The following FRMD3 variants were observed in gnomAD, a reference collection of about 807,000 sequenced individuals.
FRMD3 encodes the protein FERM domain containing 3.
Under a neutral mutation model 70.2 loss-of-function variants are expected in FRMD3, and 33 were observed. The ratio of observed to expected loss-of-function variants is 0.47; its 90% CI spans 0.36 to 0.63. The LOEUF is 0.63. Ranked by LOEUF, FRMD3 falls within the 20% of genes least tolerant of loss-of-function variation. The probability of loss-of-function intolerance (pLI) is 0.00; values close to 1 mark genes in which losing one functional copy is unlikely to be tolerated. For synonymous variants in FRMD3, 279 were observed against 255.9 expected (o/e 1.09, Z -0.86); for missense variants, 632 against 711.4 (o/e 0.89, Z 1.27).
chr9:83,454,752 C>T (rs1428024431), intron 1 of FRMD3, among the ~76,000 whole-genome samples: 1 of 152,186 alleles, frequency 6.6e-6, no homozygotes, highest in East Asian at 1.9e-4. Flanking sequence ...CACCAGCCAC[C>T]ACTTCAGTAG....
At chr9:83,274,421 AG>A (rs1229996312) in intron 13 of FRMD3, among the ~76,000 whole-genome samples, 15 of 152,186 alleles carry the variant, frequency 9.9e-5, no homozygotes, top group African/African-American at 3.4e-4. Flanking sequence ...AAATAAACAG[AG>A]GAGAAAACTA....
At chr9:83,572,583 G>GGA in the FRMD3 span, among the ~76,000 whole-genome samples, 1 of 152,168 alleles carries the variant, frequency 6.6e-6, no homozygotes, top group Non-Finnish European at 1.5e-5. Flanking sequence ...CTAAGAGAAG[G>GGA]GAGAGTAAAT....
intron 5 of FRMD3, among the ~76,000 whole-genome samples, chr9:83,340,478 T>C (rs1019163804): frequency 6.6e-6 from 1 of 152,170 alleles, no homozygotes. Context: ...CAGGTAGACT[T>C]ACCAGAGGAA....
chr9:83,575,532 T>C, the FRMD3 span, among the ~76,000 whole-genome samples: 1 of 152,106 alleles, frequency 6.6e-6, no homozygotes, highest in Non-Finnish European at 1.5e-5. Flanking sequence ...CTTATAAATG[T>C]GACTAGGGAA....
chr9:83,354,853 C>T (rs540765133), intron 3 of FRMD3, among the ~76,000 whole-genome samples: 1 of 152,030 alleles, frequency 6.6e-6, no homozygotes, highest in South Asian at 2.1e-4. Flanking sequence ...CCAATCAAAC[C>T]CATGAAGTAC....
At chr9:83,552,333 C>A in the FRMD3 span, among the ~76,000 whole-genome samples, 1 of 151,966 alleles carries the variant, frequency 6.6e-6, no homozygotes, top group Non-Finnish European at 1.5e-5. Context: ...TGTGGTCTGA[C>A]AGTGTGTTTG....
At chr9:83,420,084 C>T (rs982401753) in intron 1 of FRMD3, among the ~76,000 whole-genome samples, 18 of 152,190 alleles carry the variant, frequency 1.2e-4, no homozygotes, top group African/African-American at 4.3e-4. Flanking sequence ...AAACATGGTT[C>T]CTTCATGGCT....
intron 1 of FRMD3, among the ~76,000 whole-genome samples, chr9:83,432,710 T>C (rs1362225503): frequency 1.3e-5 from 2 of 152,238 alleles, no homozygotes; most frequent in Non-Finnish European, 2.9e-5. Context: ...ATGAAAGGAA[T>C]TCTTCCATTA....
Position 83,248,025 on chromosome 9 carries a change from G to C in FRMD3, c.1687C>G (p.Arg563Gly), listed in dbSNP as rs746846657. ...GIDLSFLCEI[R>G]QTPEFEQFHY... ...AACTGCTCAAACTCTGGTGTCTGGC[G>C]GATTTCGCATAAGAAGGAGAGATCA... Residue 563 changes from arginine to glycine, a missense_variant, in exon 14 of 14, where the codon CGC (arginine) becomes GGC (glycine). Around this residue, in one of 3 missense-constraint regions of FRMD3, gnomAD observed 418 missense variants for 442.1 expected, o/e 0.95. Transcript: ENST00000304195. 1 of 1,614,158 alleles carries C rather than the reference G, an allele frequency of 6.2e-7. No individual in the cohort carries two copies. Among genetic ancestry groups the C allele is most frequent in the East Asian group, 2.2e-5 (1 of 44,878 alleles).
Position 83,428,805 on chromosome 9 carries a change from T to C in FRMD3, c.148-39097A>G, listed in dbSNP as rs577153017. Among the ~76,000 whole-genome samples, 19 of 152,308 alleles carry C rather than the reference T, an allele frequency of 1.2e-4. No individual in the cohort carries two copies. In the East Asian group the frequency reaches 3.1e-3, roughly 25 times the overall value. On this transcript the variant is annotated intron_variant, in intron 1 of 13. Transcript: ENST00000304195. ...CCCATTAACTCCAAAGCCCAAGTTC[T>C]TCCTACCATATCAAGTTCTTTCCAG...
chr9:83,362,663 G>A (rs1287552049), intron 3 of FRMD3, among the ~76,000 whole-genome samples: 4 of 152,226 alleles, frequency 2.6e-5, no homozygotes, highest in African/African-American at 9.6e-5. Context: ...AGCTTGTTTA[G>A]AAGAGTAAGT....
At chr9:83,286,212 C>G (rs1834202707) in intron 13 of FRMD3, among the ~76,000 whole-genome samples, 1 of 152,210 alleles carries the variant, frequency 6.6e-6, no homozygotes, top group Admixed American at 6.5e-5. Context: ...GATGTCCCCA[C>G]TAGTCACACC....
chr9:83,346,202 G>A (rs1337927918), intron 4 of FRMD3, among the ~76,000 whole-genome samples: 1 of 135,828 alleles, frequency 7.4e-6, no homozygotes, highest in Non-Finnish European at 1.5e-5. Context: ...GCTGCAATGA[G>A]CAGAGATCAC....
chr9:83,351,337 C>CACACACACACAT (rs1460086762), intron 3 of FRMD3, among the ~76,000 whole-genome samples: 3 of 151,748 alleles, frequency 2.0e-5, no homozygotes, highest in African/African-American at 7.3e-5. Context: ...CACACACACA[C>CACACACACACAT]ACACACACAC....
At chr9:83,283,929 C>T (rs1834081823) in intron 13 of FRMD3, among the ~76,000 whole-genome samples, 2 of 152,122 alleles carry the variant, frequency 1.3e-5, no homozygotes, top group African/African-American at 4.8e-5. Context: ...GTGTTTTCCA[C>T]ATTAAACAAA....
In FRMD3 at chr9:83,379,054, A is replaced by G. The variant is rs761970854; in HGVS notation, c.253-6099T>C. 3.6e-4 allele frequency among the ~76,000 whole-genome samples: 54 copies of G among 150,986 alleles called. 1 individual carries two copies. Among genetic ancestry groups the G allele is most frequent in the Non-Finnish European group, 6.9e-4 (47 of 67,882 alleles). On this transcript the variant is annotated intron_variant, in intron 2 of 13. Coordinates refer to ENST00000304195, the MANE Select transcript of FRMD3 (RefSeq NM_174938.6). ...GACTTTGTCCTTCTCTTTCTCCCTG[A>G]CTCCTCATCTCACTCTCCCTTCTGT...
At chr9:83,413,229 A>T (rs548852890) in intron 1 of FRMD3, among the ~76,000 whole-genome samples, 2 of 152,304 alleles carry the variant, frequency 1.3e-5, no homozygotes, top group Admixed American at 1.3e-4. Flanking sequence ...GCCAAGTGGT[A>T]ACCACTCTCT....
intron 1 of FRMD3, among the ~76,000 whole-genome samples, chr9:83,422,491 C>A (rs554380389): frequency 1.3e-5 from 2 of 152,200 alleles, no homozygotes; most frequent in Non-Finnish European, 2.9e-5. Context: ...GATGAAAACA[C>A]ATTTCTGAAG....
chr9:83,319,750 C>T (rs911060997), intron 6 of FRMD3, among the ~76,000 whole-genome samples: 2 of 152,194 alleles, frequency 1.3e-5, no homozygotes, highest in Non-Finnish European at 2.9e-5. Flanking sequence ...GAATGGGTCA[C>T]ATGAGATCCA....
Sources: gnomAD v4.1 joint callset for allele counts (sites outside exome capture counted in the v4.1 genomes callset) on GRCh38, gnomAD v4.1.1 for gene constraint, gnomAD v4.1.1 regional missense constraint, MANE v1.5 for transcripts, NCBI Gene and HGNC (gene_info 2026-07-23, HGNC 2026-07-21) for gene names.